Variants in ELP4 observed in about 807,000 individuals in gnomAD.
The protein encoded by ELP4 is elongator acetyltransferase complex subunit 4.
A neutral mutation model predicts 48.9 loss-of-function variants in ELP4; 51 were observed. The observed-to-expected ratio is 1.04, with a 90% CI of 0.83 to 1.32. The LOEUF (loss-of-function observed/expected upper bound fraction) is 1.32, where lower values mean the gene tolerates loss of function less well. ELP4 is among the 40% of genes most tolerant of loss of function. The probability of loss-of-function intolerance (pLI) is 0.00; values close to 1 mark genes in which losing one functional copy is unlikely to be tolerated. For synonymous variants in ELP4, 210 were observed against 189.2 expected (o/e 1.11, Z -0.90); for missense variants, 519 against 514.6 (o/e 1.01, Z -0.08).
intron 3 of ELP4, among the ~76,000 whole-genome samples, chr11:31,572,235 G>A (rs565418196): frequency 6.6e-6 from 1 of 152,278 alleles, no homozygotes; most frequent in South Asian, 2.1e-4. Context: ...CACTGTTATG[G>A]AGAAGGCTTC....
chr11:31,711,468 CTAA>C (rs1473798329), intron 9 of ELP4, among the ~76,000 whole-genome samples: 2 of 152,120 alleles, frequency 1.3e-5, no homozygotes, highest in Non-Finnish European at 2.9e-5. Context: ...CACCAGTGAA[CTAA>C]TAATTATCTC....
chr11:31,635,956 G>C (rs1944966298), intron 7 of ELP4, among the ~76,000 whole-genome samples: 1 of 151,948 alleles, frequency 6.6e-6, no homozygotes, highest in Admixed American at 6.6e-5. Context: ...AATATTAGTA[G>C]CATCACCATG....
At chr11:31,606,934 A>G (rs1466961524) in intron 5 of ELP4, among the ~76,000 whole-genome samples, 3 of 152,100 alleles carry the variant, frequency 2.0e-5, no homozygotes, top group Non-Finnish European at 2.9e-5. Context: ...CTAACCCCTA[A>G]TGGGATGATG....
At chr11:31,552,266 C>A (rs1446273558) in intron 3 of ELP4, among the ~76,000 whole-genome samples, 1 of 152,160 alleles carries the variant, frequency 6.6e-6, no homozygotes, top group Non-Finnish European at 1.5e-5. Flanking sequence ...TATAACTCCT[C>A]TGTTCCTGTT....
In ELP4 at chr11:31,632,279, C is replaced by T. The variant is rs755225560; in HGVS notation, c.801C>T (p.Asp267=). ...ATCTTGGCTCACCTTTATGGGGAGA[C>T]GATATTTGCTGTGCAGAAAATGGTG... is the stretch of plus-strand genomic sequence containing the variant. The part of the protein sequence containing the change: ...IQNLGSPLWG[D]DICCAENGGN... Residue 267 remains aspartate, a synonymous_variant, in exon 7 of 10, where the codon GAC becomes GAT. Coordinates refer to ENST00000640961, the MANE Select transcript of ELP4 (RefSeq NM_019040.5). 4.0e-5 allele frequency: 65 copies of T among 1,612,574 alleles called. No individual in the cohort carries two copies. Among genetic ancestry groups the T allele is most frequent in the Middle Eastern group, 1.7e-4 (1 of 6,052 alleles).
At chr11:31,580,780 C>G (rs931533426) in intron 3 of ELP4, 20 of 152,312 alleles carry the variant, frequency 1.3e-4, no homozygotes, top group African/African-American at 4.8e-4. Context: ...ACCTCAGCCT[C>G]CCAAGTAGCT....
intron 9 of ELP4, among the ~76,000 whole-genome samples, chr11:31,729,368 C>CTCT (rs1419884576): frequency 1.3e-5 from 2 of 152,112 alleles, no homozygotes; most frequent in African/African-American, 4.8e-5. Context: ...TTTCCTCAGG[C>CTCT]TCTACCTCAT....
At chr11:31,555,382 T>G (rs547925496) in intron 3 of ELP4, among the ~76,000 whole-genome samples, 1 of 152,114 alleles carries the variant, frequency 6.6e-6, no homozygotes, top group Admixed American at 6.6e-5. Context: ...GGTTTTGGAC[T>G]TAATACAGTC....
At chr11:31,545,619 A>G (rs1288021122) in intron 3 of ELP4, among the ~76,000 whole-genome samples, 1 of 152,184 alleles carries the variant, frequency 6.6e-6, no homozygotes, top group African/African-American at 2.4e-5. Flanking sequence ...ATTCAGATTC[A>G]GGAAATACAG....
At chr11:31,711,996 C>T (rs1415793920) in intron 9 of ELP4, among the ~76,000 whole-genome samples, 1 of 151,784 alleles carries the variant, frequency 6.6e-6, no homozygotes, top group Non-Finnish European at 1.5e-5. Flanking sequence ...TTAGGCCAAG[C>T]CCAATTTCTT....
At chr11:31,777,096 G>A (rs1364408552) in intron 9 of ELP4, among the ~76,000 whole-genome samples, 1 of 151,874 alleles carries the variant, frequency 6.6e-6, no homozygotes, top group African/African-American at 2.4e-5. Flanking sequence ...ATATTACATT[G>A]TAATAATGTA....
At chr11:31,706,798 T>C (rs1946643781) in intron 9 of ELP4, among the ~76,000 whole-genome samples, 1 of 152,032 alleles carries the variant, frequency 6.6e-6, no homozygotes. Context: ...GACATGAACA[T>C]TTTTAGCTCC....
chr11:31,550,235 A>G (rs933331728), intron 3 of ELP4, among the ~76,000 whole-genome samples: 2 of 152,174 alleles, frequency 1.3e-5, no homozygotes, highest in African/African-American at 4.8e-5. Flanking sequence ...TATTTAAGTG[A>G]GTATAAAATA....
rs1479995393 is a variant in ELP4 at position 31,790,106 on chromosome 11, A to AAC, written c.*6583_*6584insCA. Reference sequence around the variant, plus strand: ...CAAATTTATAGGTTTACAAAAAAAAAAAAAAAAAAAAAAACTAATACTTTC... The same window carrying AAC: ...CAAATTTATAGGTTTACAAAAAAAAAACAAAAAAAAAAAAAACTAATACTTTC... On this transcript the variant is annotated 3_prime_UTR_variant, in exon 10 of 10. Coordinates refer to ENST00000640961, the MANE Select transcript of ELP4 (RefSeq NM_019040.5). 2 of 784,174 alleles carry AAC rather than the reference A, an allele frequency of 2.6e-6. No homozygotes were observed. Among genetic ancestry groups the AAC allele is most frequent in the African/African-American group, 1.8e-5 (1 of 54,948 alleles). 48.6% of individuals were successfully genotyped at this position (784,174 alleles called of 1,614,324 possible).
chr11:31,566,821 GACTT>G (rs1957118928), intron 3 of ELP4, among the ~76,000 whole-genome samples: 1 of 152,016 alleles, frequency 6.6e-6, no homozygotes, highest in African/African-American at 2.4e-5. Context: ...AGGTTTCTTA[GACTT>G]ACTTATTTTT....
intron 9 of ELP4, among the ~76,000 whole-genome samples, chr11:31,740,693 G>C (rs1334637013): frequency 6.6e-6 from 1 of 152,216 alleles, no homozygotes; most frequent in Non-Finnish European, 1.5e-5. Context: ...GCCAACAAAT[G>C]TGAAACAGGA....
chr11:31,622,013 G>T (rs1387806020), intron 5 of ELP4, among the ~76,000 whole-genome samples: 1 of 151,832 alleles, frequency 6.6e-6, no homozygotes, highest in Admixed American at 6.6e-5. Flanking sequence ...TGGGGAGAAT[G>T]ACTATACTTA....
At chr11:31,542,274 C>T (rs1956604396) in intron 3 of ELP4, among the ~76,000 whole-genome samples, 1 of 152,122 alleles carries the variant, frequency 6.6e-6, no homozygotes, top group Non-Finnish European at 1.5e-5. Context: ...TCAGGAGACA[C>T]AGCTAGGATC....
chr11:31,769,989 T>C (rs1231574941), intron 9 of ELP4, among the ~76,000 whole-genome samples: 2 of 152,142 alleles, frequency 1.3e-5, no homozygotes, highest in Non-Finnish European at 1.5e-5. Context: ...GTAGGAAAGG[T>C]ACTTCCTAGG....
Sources: allele counts gnomAD v4.1 joint callset (sites outside exome capture counted in the v4.1 genomes callset), GRCh38; gene constraint gnomAD v4.1.1; transcripts MANE v1.5; gene names NCBI Gene and HGNC (gene_info 2026-07-23, HGNC 2026-07-21).